Variants in MAGI1 observed in about 807,000 individuals in gnomAD.
MAGI1 encodes the protein membrane associated guanylate kinase, WW and PDZ domain containing 1.
In MAGI1, 58 loss-of-function variants were observed where a neutral mutation model predicts 139.9. The ratio of observed to expected loss-of-function variants is 0.41; its 90% CI spans 0.34 to 0.52. MAGI1 has a LOEUF of 0.52. Among genes scored for constraint, MAGI1 ranks in the 20% least tolerant of loss-of-function variants. The pLI is 0.12. For synonymous variants in MAGI1, 812 were observed against 737.9 expected, an observed-to-expected ratio of 1.10 and a Z score of -1.63; for missense variants, 1,874 against 1,901.6, an observed-to-expected ratio of 0.99 and a Z score of 0.27.
intron 1 of MAGI1, among the ~76,000 whole-genome samples, chr3:65,744,152 T>C (rs17073625): frequency 0.12 from 18,517 of 152,226 alleles, 1,303 homozygotes; most frequent in African/African-American, 0.17. Flanking sequence ...AGCTAACTTT[T>C]AAAATGTGCT....
chr3:65,947,539 T>C (rs2063593845), intron 1 of MAGI1, among the ~76,000 whole-genome samples: 1 of 152,176 alleles, frequency 6.6e-6, no homozygotes, highest in African/African-American at 2.4e-5. Flanking sequence ...TTATGCTCAA[T>C]TTACACTAAT....
intron 2 of MAGI1, among the ~76,000 whole-genome samples, chr3:65,577,747 T>G (rs2081236849): frequency 6.6e-6 from 1 of 152,140 alleles, no homozygotes; most frequent in Non-Finnish European, 1.5e-5. Context: ...ACAAAATGTG[T>G]GTCTTTACAC....
intron 1 of MAGI1, among the ~76,000 whole-genome samples, chr3:65,812,431 A>ATCTC (rs1379974869): frequency 7.6e-5 from 10 of 131,894 alleles, no homozygotes; most frequent in South Asian, 2.8e-4. Flanking sequence ...ATTTTATAAA[A>ATCTC]TCTCTCTCTC....
intron 1 of MAGI1, among the ~76,000 whole-genome samples, chr3:65,811,673 T>A: frequency 1.4e-5 from 2 of 146,248 alleles, no homozygotes; most frequent in South Asian, 2.2e-4. Flanking sequence ...GTAGCAAAAA[T>A]AAATAAATAA....
intron 1 of MAGI1, among the ~76,000 whole-genome samples, chr3:65,678,027 A>T (rs1313519697): frequency 6.6e-6 from 1 of 152,242 alleles, no homozygotes; most frequent in Admixed American, 6.5e-5. Context: ...TTGCAGGGAC[A>T]TGGATGAAGC....
At chr3:65,420,358 A>C (rs1016248954) in intron 12 of MAGI1, among the ~76,000 whole-genome samples, 10 of 151,934 alleles carry the variant, frequency 6.6e-5, no homozygotes, top group African/African-American at 2.4e-4. Context: ...TGGTCACTCA[A>C]GTTTCACCTC....
chr3:65,874,413 T>C (rs985640489), intron 1 of MAGI1: 1 of 152,198 alleles, frequency 6.6e-6, no homozygotes, highest in African/African-American at 2.4e-5. Flanking sequence ...AAAGAACTGT[T>C]ACTCAATAAT....
At chr3:65,855,413 CAAATA>C (rs2059341254) in intron 1 of MAGI1, among the ~76,000 whole-genome samples, 1 of 150,756 alleles carries the variant, frequency 6.6e-6, no homozygotes, top group African/African-American at 2.4e-5. Context: ...CCCATCTCTA[CAAATA>C]AAATAAAGTA....
intron 3 of MAGI1, among the ~76,000 whole-genome samples, chr3:65,486,500 G>A (rs944425699): frequency 2.6e-5 from 4 of 152,062 alleles, no homozygotes; most frequent in Non-Finnish European, 5.9e-5. Context: ...GAAAAGCAAG[G>A]GAAAAGGGAA....
At chr3:65,423,323 G>A (rs114760528) in intron 12 of MAGI1, among the ~76,000 whole-genome samples, 322 of 152,214 alleles carry the variant, frequency 2.1e-3, no homozygotes, top group African/African-American at 7.0e-3. Flanking sequence ...ATGGCTTACC[G>A]TGGTTCTAAT....
intron 2 of MAGI1, among the ~76,000 whole-genome samples, chr3:65,553,576 G>A (rs762644386): frequency 7.1e-4 from 108 of 152,274 alleles, no homozygotes; most frequent in African/African-American, 2.5e-3. Context: ...CATCAATGTC[G>A]CAAGTGTATA....
chr3:65,428,674 T>C (rs928921867), intron 12 of MAGI1, among the ~76,000 whole-genome samples: 9 of 152,160 alleles, frequency 5.9e-5, no homozygotes. Flanking sequence ...CATGCACACA[T>C]GGGCCCTGGC....
At chr3:65,827,029 C>G (rs2042265798) in intron 1 of MAGI1, among the ~76,000 whole-genome samples, 1 of 152,050 alleles carries the variant, frequency 6.6e-6, no homozygotes, top group South Asian at 2.1e-4. Context: ...TTCCTTATTT[C>G]TCAAAGAAGT....
At chr3:65,447,979 T>G in intron 7 of MAGI1, 43 bp downstream of exon 7, 1 of 1,609,932 alleles carries the variant, frequency 6.2e-7, no homozygotes, top group Non-Finnish European at 8.5e-7. Context: ...GCAGGCCATG[T>G]CATGCACGTG....
At chr3:66,032,062 A>G (rs2068630828) in intron 1 of MAGI1, among the ~76,000 whole-genome samples, 1 of 152,222 alleles carries the variant, frequency 6.6e-6, no homozygotes, top group Non-Finnish European at 1.5e-5. Context: ...TGATTACGAG[A>G]AAGTGAAGAC....
chr3:65,541,471 A>T (rs1182576504), intron 2 of MAGI1, among the ~76,000 whole-genome samples: 2 of 152,212 alleles, frequency 1.3e-5, no homozygotes, highest in African/African-American at 4.8e-5. Flanking sequence ...AAAACAAAAA[A>T]AGAAAATTTC....
chr3:65,529,587 C>T (rs866793953), intron 2 of MAGI1, among the ~76,000 whole-genome samples: 1 of 152,140 alleles, frequency 6.6e-6, no homozygotes. Context: ...GGATATACCA[C>T]GCTTTGTTTA....
At chr3:65,637,671 T>C (rs2084721533) in intron 1 of MAGI1, among the ~76,000 whole-genome samples, 1 of 152,354 alleles carries the variant, frequency 6.6e-6, no homozygotes, top group African/African-American at 2.4e-5. Context: ...AGATTTGATA[T>C]GCACATGCAT....
intron 2 of MAGI1, among the ~76,000 whole-genome samples, chr3:65,515,591 T>C (rs572830925): frequency 6.6e-6 from 1 of 152,282 alleles, no homozygotes; most frequent in Non-Finnish European, 1.5e-5. Flanking sequence ...GTTAATGCTG[T>C]AGACAATGTA....
Sources: gnomAD v4.1 joint callset for allele counts (sites outside exome capture counted in the v4.1 genomes callset) on GRCh38, gnomAD v4.1.1 for gene constraint, MANE v1.5 for transcripts, NCBI Gene and HGNC (gene_info 2026-07-23, HGNC 2026-07-21) for gene names.